PDE1C: variants seen among roughly 807,000 people sequenced by gnomAD.
PDE1C encodes dual specificity calcium/calmodulin-dependent 3',5'-cyclic nucleotide phosphodiesterase 1C.
A neutral mutation model predicts 93.1 loss-of-function variants in PDE1C; 62 were observed. The observed-to-expected ratio is 0.67, with a 90% CI of 0.54 to 0.82. PDE1C has a LOEUF of 0.82. Ranked by LOEUF, PDE1C falls within the 40% of genes least tolerant of loss-of-function variation. The pLI, the probability that PDE1C is intolerant of heterozygous loss-of-function variation, is 0.00. For missense variants in PDE1C, 742 were observed against 884.6 expected (o/e 0.84, Z 2.04); for synonymous variants, 325 against 310.1 (o/e 1.05, Z -0.50).
intron 1 of PDE1C, among the ~76,000 whole-genome samples, chr7:32,359,376 G>A (rs1784090808): frequency 6.7e-6 from 1 of 148,552 alleles, no homozygotes; most frequent in African/African-American, 2.5e-5. Context: ...CTCCTTAACG[G>A]TATGTATGTG....
At chr7:31,803,399 TTTATTATTA>T (rs70989605) in intron 16 of PDE1C, among the ~76,000 whole-genome samples, 2 of 150,088 alleles carry the variant, frequency 1.3e-5, no homozygotes, top group Non-Finnish European at 3.0e-5. Context: ...GCTTTTTCTT[TTTATTATTA>T]TTATTATTAT....
At chr7:32,411,836 A>AT (rs35134114) in intron 1 of PDE1C, among the ~76,000 whole-genome samples, 20,200 of 152,058 alleles carry the variant, frequency 0.13, 2,485 homozygotes, top group African/African-American at 0.32. Flanking sequence ...GCAAAAAAAA[A>AT]TTATTTTCTT....
intron 2 of PDE1C, among the ~76,000 whole-genome samples, chr7:32,005,429 G>C (rs909100126): frequency 6.6e-6 from 1 of 151,656 alleles, no homozygotes; most frequent in Admixed American, 6.6e-5. Context: ...TGTGGTGGGT[G>C]CCTGTAGTCC....
In PDE1C at chr7:32,355,544, C is replaced by A. The variant is rs555506618; in HGVS notation, c.310+72278G>T. Among the ~76,000 whole-genome samples, 211 of 152,324 alleles carry A rather than the reference C, an allele frequency of 1.4e-3. 2 individuals carry two copies. Among genetic ancestry groups the A allele is most frequent in the African/African-American group, 4.7e-3 (194 of 41,568 alleles). On this transcript the variant is annotated intron_variant, in intron 1 of 1. Transcript: ENST00000672256. ...ATCTTTCTCCGTTTCTGCTTCCCCC[C>A]AAATCCTATCAATTCCTCCCCATGT...
intron 1 of PDE1C, among the ~76,000 whole-genome samples, chr7:32,262,116 A>G (rs988607614): frequency 6.7e-6 from 1 of 149,968 alleles, no homozygotes. Context: ...CCCCCACTGG[A>G]TGGGAATATT....
At chr7:31,791,142 A>T (rs1440426668) in intron 16 of PDE1C, among the ~76,000 whole-genome samples, 1 of 152,116 alleles carries the variant, frequency 6.6e-6, no homozygotes, top group Non-Finnish European at 1.5e-5. Context: ...CTCTCCTAAG[A>T]TTTAGGTGAA....
intron 2 of PDE1C, among the ~76,000 whole-genome samples, chr7:32,193,379 A>G (rs1584936125): frequency 1.3e-5 from 2 of 152,288 alleles, no homozygotes; most frequent in Admixed American, 6.5e-5. Flanking sequence ...ATGCTGTCAA[A>G]TATTTTTGTG....
chr7:31,674,239 C>T, the PDE1C span, among the ~76,000 whole-genome samples: 2 of 152,036 alleles, frequency 1.3e-5, no homozygotes, highest in Admixed American at 6.6e-5. Flanking sequence ...TTGTCATCTA[C>T]AAACTGCTTT....
intron 2 of PDE1C, among the ~76,000 whole-genome samples, chr7:31,914,157 A>AT (rs1801594988): frequency 6.6e-6 from 1 of 152,206 alleles, no homozygotes; most frequent in Non-Finnish European, 1.5e-5. Flanking sequence ...TTCAAAGTCA[A>AT]TTTTATATCA....
At chr7:31,983,637 T>TA (rs1235095862) in intron 2 of PDE1C, among the ~76,000 whole-genome samples, 2 of 152,064 alleles carry the variant, frequency 1.3e-5, no homozygotes, top group African/African-American at 2.4e-5. Flanking sequence ...TAATTTTTTT[T>TA]AAAAAATCAC....
At position 32,248,048 on chromosome 7, in the gene PDE1C, C is replaced by CA. The variant is rs1195240084; in HGVS notation, c.86-38510dup. On this transcript the variant is annotated intron_variant, in intron 1 of 18. Coordinates refer to the PDE1C transcript ENST00000396193. ...AGTAAGTAACAATATACTATGTGGG[C>CA]AGGAGCACAGGATGGCTGTTTGAAG... Among the ~76,000 whole-genome samples, 3 of 152,112 alleles carry CA rather than the reference C, an allele frequency of 2.0e-5. No individual in the cohort carries two copies. In the East Asian group the frequency reaches 5.8e-4, roughly 29 times the overall value.
chr7:32,325,101 G>A (rs576979829), intron 1 of PDE1C, among the ~76,000 whole-genome samples: 1 of 152,172 alleles, frequency 6.6e-6, no homozygotes, highest in Admixed American at 6.5e-5. Flanking sequence ...CAAATAATAC[G>A]TTCATCAAAG....
chr7:32,014,121 T>C (rs1787541629), intron 2 of PDE1C, among the ~76,000 whole-genome samples: 2 of 152,182 alleles, frequency 1.3e-5, no homozygotes, highest in African/African-American at 4.8e-5. Context: ...TCACAATATG[T>C]AGCTGAAAGA....
chr7:31,681,066 CA>C, the PDE1C span, among the ~76,000 whole-genome samples: 29 of 152,200 alleles, frequency 1.9e-4, no homozygotes, highest in African/African-American at 7.0e-4. Flanking sequence ...TCATTGAGGC[CA>C]AAACATCAGA....
At chr7:31,839,124 T>C (rs914033170) in intron 9 of PDE1C, among the ~76,000 whole-genome samples, 2 of 148,766 alleles carry the variant, frequency 1.3e-5, no homozygotes, top group Non-Finnish European at 3.0e-5. Context: ...ATATTAAATA[T>C]GTGTGTATAT....
chr7:32,016,404 A>G (rs1159620102), intron 2 of PDE1C, among the ~76,000 whole-genome samples: 1 of 152,222 alleles, frequency 6.6e-6, no homozygotes, highest in Admixed American at 6.5e-5. Context: ...ATAAAACATT[A>G]ATTGTAAATA....
rs59246166 is a variant in PDE1C, at chr7:32,005,555, CAAAAAAA to C, written c.128+45992_128+45998del. 4.3e-3 allele frequency among the ~76,000 whole-genome samples: 216 copies of C among 50,750 alleles called. 4 individuals are homozygous for C. Among genetic ancestry groups the C allele is most frequent in the African/African-American group, 0.015 (191 of 12,600 alleles). 33.3% of individuals were successfully genotyped at this position (50,750 alleles called of 152,430 possible). A position where few individuals can be genotyped will look rare whatever the true frequency, so the allele number is the denominator to read the frequency against. On this transcript the variant is annotated intron_variant, in intron 2 of 17. Transcript: ENST00000396191. ...TGGGCGACAGAGCGAGACTCCATTT[CAAAAAAA>C]AAAAAAAAAAAAAAAAAAAGAATTG...
chr7:31,860,449 T>C (rs745326055), intron 7 of PDE1C, among the ~76,000 whole-genome samples: 9 of 152,214 alleles, frequency 5.9e-5, no homozygotes, highest in South Asian at 2.1e-4. Context: ...CATATGTATA[T>C]AATGGATTAA....
chr7:32,406,531 C>CAAAAAAA (rs5883350), intron 1 of PDE1C, among the ~76,000 whole-genome samples: 1 of 133,256 alleles, frequency 7.5e-6, no homozygotes, highest in African/African-American at 2.8e-5. Flanking sequence ...CTCCATAATG[C>CAAAAAAA]AAAAAAAAAA....
Sources: allele counts gnomAD v4.1 joint callset (sites outside exome capture counted in the v4.1 genomes callset), GRCh38; gene constraint gnomAD v4.1.1; transcripts MANE v1.5; gene names NCBI Gene and HGNC (gene_info 2026-07-23, HGNC 2026-07-21).